VPS35L: variants seen among roughly 807,000 people sequenced by gnomAD.
The protein encoded by VPS35L is VPS35 endosomal protein sorting factor like.
Under a neutral mutation model 133.0 loss-of-function variants are expected in VPS35L, and 83 were observed. That is an observed-to-expected ratio of 0.62 (90% CI 0.52 to 0.75). The LOEUF is 0.75. Among genes scored for constraint, VPS35L ranks in the 30% least tolerant of loss-of-function variants. The probability of loss-of-function intolerance (pLI) is 0.00; values close to 1 mark genes in which losing one functional copy is unlikely to be tolerated. For synonymous variants in VPS35L, 423 were observed against 449.9 expected (o/e 0.94, Z 0.76); for missense variants, 1,083 against 1,206.8 (o/e 0.90, Z 1.52).
At chr16:19,579,432 A>G in intron 6 of VPS35L, 3 of 231,834 alleles carry the variant, frequency 1.3e-5, no homozygotes, top group Non-Finnish European at 2.6e-5. Context: ...GCGGTGGCTC[A>G]CGCCTGTAAT....
At chr16:19,684,437 C>T (rs1975388398) in intron 28 of VPS35L, among the ~76,000 whole-genome samples, 2 of 152,310 alleles carry the variant, frequency 1.3e-5, no homozygotes, top group East Asian at 1.9e-4. Flanking sequence ...TTCTGTCATA[C>T]CTCTCAGGCT....
At chr16:19,624,147 A>C (rs1192299718) in intron 14 of VPS35L, among the ~76,000 whole-genome samples, 3 of 98,330 alleles carry the variant, frequency 3.1e-5, no homozygotes, top group African/African-American at 4.2e-5. Context: ...GATAGGTCTC[A>C]CTCTGGTGCC....
At chr16:19,632,264 A>G (rs1380446167) in intron 18 of VPS35L, among the ~76,000 whole-genome samples, 8 of 152,202 alleles carry the variant, frequency 5.3e-5, no homozygotes, top group Admixed American at 5.2e-4. Flanking sequence ...CACCCAGCCG[A>G]GTTACTAATT....
At chr16:19,622,878 C>G (rs1164695345) in intron 14 of VPS35L, among the ~76,000 whole-genome samples, 1 of 152,174 alleles carries the variant, frequency 6.6e-6, no homozygotes, top group Non-Finnish European at 1.5e-5. Flanking sequence ...AAACATCTAA[C>G]TAGTCTGGCC....
At chr16:19,652,829 A>G (rs1240431218) in intron 26 of VPS35L, 2 of 152,232 alleles carry the variant, frequency 1.3e-5, no homozygotes, top group Non-Finnish European at 2.9e-5. Context: ...AATACCCTAC[A>G]GTTTGCTGTT....
chr16:19,610,376 C>T lies in VPS35L; in HGVS notation c.984C>T (p.Asp328=). 6.2e-7 allele frequency: 1 copy of T among 1,614,088 alleles called. No homozygotes were observed. Among genetic ancestry groups the T allele is most frequent in the Non-Finnish European group, 8.5e-7 (1 of 1,180,008 alleles). ...CATGCATGATCAGAGGGATCGGAGA[C>T]CCACTAGTGTCGGTGTATGCCCGTG... ...RLTCMIRGIG[D]PLVSVYARAY... The change falls in exon 12 of 31, where the codon GAC becomes GAT. Residue 328 remains aspartate (D), a synonymous_variant. Coordinates refer to ENST00000417362, the MANE Select transcript of VPS35L (RefSeq NM_020314.7).
chr16:19,587,093 A>G (rs1971889677), intron 7 of VPS35L, among the ~76,000 whole-genome samples: 2 of 146,632 alleles, frequency 1.4e-5, no homozygotes, highest in Admixed American at 1.4e-4. Flanking sequence ...AGCAGGAGAG[A>G]GAAAGAGAGA....
intron 15 of VPS35L, 70 bp downstream of exon 15, chr16:19,626,293 G>T: frequency 8.9e-7 from 1 of 1,126,456 alleles, no homozygotes; most frequent in Non-Finnish European, 1.3e-6. Context: ...AGCTTGGCCT[G>T]CTTACCTGGG....
chr16:19,580,775 A>G (rs972417736), intron 6 of VPS35L, among the ~76,000 whole-genome samples: 3 of 152,102 alleles, frequency 2.0e-5, no homozygotes, highest in African/African-American at 7.2e-5. Context: ...CCAGGAAGCC[A>G]TTCCTGATCC....
At chr16:19,692,585 C>T (rs139991664) in intron 29 of VPS35L, among the ~76,000 whole-genome samples, 9,663 of 151,916 alleles carry the variant, frequency 0.064, 606 homozygotes, top group African/African-American at 0.16. Flanking sequence ...TTTTTTGAGA[C>T]GGAGTTTCGC....
At chr16:19,643,828 C>T (rs561630138) in intron 22 of VPS35L, among the ~76,000 whole-genome samples, 4 of 151,776 alleles carry the variant, frequency 2.6e-5, no homozygotes, top group African/African-American at 7.2e-5. Context: ...CGCCTTGGAA[C>T]GTGCCTGTAA....
chr16:19,619,560 G>A (rs1049463091), intron 14 of VPS35L, among the ~76,000 whole-genome samples: 2 of 151,998 alleles, frequency 1.3e-5, no homozygotes, highest in Non-Finnish European at 2.9e-5. Flanking sequence ...AAATGAGAAC[G>A]CTTTTTTTTT....
intron 18 of VPS35L, among the ~76,000 whole-genome samples, chr16:19,632,262 C>T (rs9922967): frequency 0.092 from 13,940 of 152,228 alleles, 873 homozygotes; most frequent in East Asian, 0.23. Context: ...TGCACCCAGC[C>T]GAGTTACTAA....
intron 23 of VPS35L, among the ~76,000 whole-genome samples, chr16:19,646,942 A>G (rs1267154929): frequency 6.6e-6 from 1 of 152,162 alleles, no homozygotes; most frequent in East Asian, 1.9e-4. Context: ...ACTGCTGCAA[A>G]TATCTTCTAT....
At chr16:19,683,080 G>A (rs1330616803) in intron 28 of VPS35L, among the ~76,000 whole-genome samples, 4 of 152,096 alleles carry the variant, frequency 2.6e-5, no homozygotes, top group Non-Finnish European at 4.4e-5. Context: ...ATGTGCCACT[G>A]CTCCTGGATA....
At chr16:19,665,427 T>C (rs1226531193) in intron 26 of VPS35L, among the ~76,000 whole-genome samples, 1 of 152,246 alleles carries the variant, frequency 6.6e-6, no homozygotes, top group Non-Finnish European at 1.5e-5. Flanking sequence ...AGTGAGAACA[T>C]GCAAAGTTTG....
At chr16:19,632,769 G>T (rs980964157) in intron 18 of VPS35L, among the ~76,000 whole-genome samples, 2 of 152,274 alleles carry the variant, frequency 1.3e-5, no homozygotes. Context: ...TGTTCTCTCT[G>T]CAGGCACCTG....
chr16:19,564,562 C>T (rs979112665), intron 1 of VPS35L, among the ~76,000 whole-genome samples: 9 of 152,016 alleles, frequency 5.9e-5, no homozygotes, highest in African/African-American at 2.2e-4. Context: ...CCATACCCAC[C>T]GAATTTTTGT....
Position 19,579,094 on chromosome 16 carries a change from G to A in VPS35L, c.476G>A (p.Arg159Gln), listed in dbSNP as rs763030453. The change falls in exon 6 of 31, where the codon CGG becomes CAG. Residue 159 changes from arginine (R) to glutamine (Q), a missense_variant. Transcript: ENST00000417362. Reference protein sequence around the residue: ...TATLAMSEKVRTRLEELDDFE... With the variant: ...TATLAMSEKVQTRLEELDDFE... ...ACATTGGCAATGTCAGAGAAGGTGC[G>A]GACCCGGCTGGAGGAGCTGGATGAC... 3.1e-6 allele frequency: 5 copies of A among 1,613,960 alleles called. No homozygotes were observed. The highest frequency in any genetic ancestry group is 1.7e-5 in the Admixed American group (1 of 59,998).
Sources: gnomAD v4.1 joint callset for allele counts (sites outside exome capture counted in the v4.1 genomes callset) on GRCh38, gnomAD v4.1.1 for gene constraint, MANE v1.5 for transcripts, NCBI Gene and HGNC (gene_info 2026-07-23, HGNC 2026-07-21) for gene names.